The following P2RY14 variants were observed in gnomAD, a reference collection of about 807,000 sequenced individuals.
P2RY14 encodes purinergic receptor P2Y14.
A neutral mutation model predicts 0.9 loss-of-function variants in P2RY14; 2 were observed. That is an observed-to-expected ratio of 2.16 (90% CI 0.88 to 6.79). P2RY14 has a LOEUF of 6.79. P2RY14 is among the 30% of genes most tolerant of loss of function. The pLI is 0.05. For missense variants in P2RY14, 378 were observed against 400.1 expected, an observed-to-expected ratio of 0.94 and a Z score of 0.47; for synonymous variants, 158 against 147.2, an observed-to-expected ratio of 1.07 and a Z score of -0.53.
intron 1 of P2RY14, among the ~76,000 whole-genome samples, chr3:151,257,466 G>T (rs78586780): frequency 6.6e-6 from 1 of 152,204 alleles, no homozygotes; most frequent in African/African-American, 2.4e-5. Flanking sequence ...GTGTCATGGG[G>T]CACATTACTT....
chr3:151,232,941 T>C (rs1298132628), intron 1 of P2RY14, among the ~76,000 whole-genome samples: 1 of 152,194 alleles, frequency 6.6e-6, no homozygotes, highest in Non-Finnish European at 1.5e-5. Flanking sequence ...TAATATTGTT[T>C]AAAACCATCA....
At chr3:151,229,614 G>A (rs1475279441) in intron 1 of P2RY14, among the ~76,000 whole-genome samples, 3 of 151,852 alleles carry the variant, frequency 2.0e-5, no homozygotes, top group Non-Finnish European at 4.4e-5. Context: ...TAGTAGCTGG[G>A]ACTACAGGCG....
chr3:151,269,782 A>G (rs73023035), intron 1 of P2RY14: 10,744 of 419,872 alleles, frequency 0.026, 1,013 homozygotes, highest in African/African-American at 0.2. Flanking sequence ...TTTAGAGTCC[A>G]CTGAAGTCAA....
chr3:151,249,377 A>G (rs561446445), intron 1 of P2RY14, among the ~76,000 whole-genome samples: 14 of 152,286 alleles, frequency 9.2e-5, no homozygotes, highest in African/African-American at 3.4e-4. Flanking sequence ...TAGTTGGAAA[A>G]CCAAAAAATA....
intron 1 of P2RY14, among the ~76,000 whole-genome samples, chr3:151,231,559 T>C (rs535162798): frequency 6.6e-6 from 1 of 152,280 alleles, no homozygotes; most frequent in South Asian, 2.1e-4. Flanking sequence ...TATGAAACAT[T>C]TGATAAAGCA....
chr3:151,238,640 A>G (rs1037394775), intron 1 of P2RY14, among the ~76,000 whole-genome samples: 2 of 152,192 alleles, frequency 1.3e-5, no homozygotes, highest in African/African-American at 2.4e-5. Flanking sequence ...AAATCAAGGC[A>G]GTGCACTCAA....
At chr3:151,229,390 C>T (rs1731165955) in intron 1 of P2RY14, among the ~76,000 whole-genome samples, 1 of 149,410 alleles carries the variant, frequency 6.7e-6, no homozygotes. Flanking sequence ...TCACTGCAAC[C>T]TCGCCTCCCG....
At chr3:151,266,388 C>T (rs1426723502) in intron 1 of P2RY14, among the ~76,000 whole-genome samples, 1 of 152,202 alleles carries the variant, frequency 6.6e-6, no homozygotes, top group Non-Finnish European at 1.5e-5. Flanking sequence ...ATCACATTTA[C>T]AGTATCATCC....
rs563831959 is a variant in P2RY14 at position 151,242,357 on chromosome 3, C to T, written c.-132-22715G>A. Among the ~76,000 whole-genome samples the T allele has an allele frequency of 3.1e-4, 47 of 152,366 alleles. 1 individual carries two copies. Among genetic ancestry groups the T allele is most frequent in the African/African-American group, 1.1e-3 (45 of 41,576 alleles). On this transcript the variant is annotated intron_variant, in intron 1 of 2. Transcript: ENST00000309170. ...AACAAAAAGACAGCAGTAACCTCTG[C>T]AGACTTAAATGTCCCTGTCTGACAG...
intron 1 of P2RY14, among the ~76,000 whole-genome samples, chr3:151,259,346 T>C (rs1738440638): frequency 6.6e-6 from 1 of 152,208 alleles, no homozygotes; most frequent in Non-Finnish European, 1.5e-5. Flanking sequence ...TGATCTGAGG[T>C]ACAGAACCCC....
intron 2 of P2RY14, 32 bp from the exon 3 acceptor site, chr3:151,214,372 G>A (rs1032615779): frequency 7.2e-7 from 1 of 1,395,214 alleles, no homozygotes; most frequent in East Asian, 2.3e-5. Flanking sequence ...TCACTCATAG[G>A]GCACTTATGG....
intron 1 of P2RY14, among the ~76,000 whole-genome samples, chr3:151,229,363 A>T (rs1259965086): frequency 7.1e-6 from 1 of 141,096 alleles, no homozygotes; most frequent in Non-Finnish European, 1.5e-5. Flanking sequence ...GCTGGAGGGC[A>T]GTTTCGTGAT....
intron 2 of P2RY14, among the ~76,000 whole-genome samples, chr3:151,217,966 A>T (rs376520046): frequency 2.4e-4 from 37 of 152,282 alleles, no homozygotes; most frequent in South Asian, 1.2e-3. Flanking sequence ...AAAAGGCAGG[A>T]ATATGTGTTG....
intron 1 of P2RY14, among the ~76,000 whole-genome samples, chr3:151,222,844 G>A (rs566587603): frequency 5.6e-4 from 85 of 152,186 alleles, no homozygotes; most frequent in Non-Finnish European, 8.5e-4. Context: ...GTTGTAGTCG[G>A]GACTTTAGAC....
In P2RY14 at chr3:151,269,192, G is replaced by C. The variant is rs145081578; in HGVS notation, c.-133+9095C>G. 3.0e-3 allele frequency among the ~76,000 whole-genome samples: 462 copies of C among 152,282 alleles called. 3 individuals are homozygous for C. Among genetic ancestry groups the C allele is most frequent in the African/African-American group, 0.011 (442 of 41,542 alleles). On this transcript the variant is annotated intron_variant, in intron 1 of 2. Transcript: ENST00000309170. ...AAGGTGGGTGGATCACCTGAGGTCG[G>C]GAGTTCGAGACCAGCCTGACCAACA...
intron 1 of P2RY14, among the ~76,000 whole-genome samples, chr3:151,276,360 T>C (rs908574862): frequency 2.0e-5 from 3 of 152,244 alleles, no homozygotes; most frequent in Non-Finnish European, 4.4e-5. Context: ...CTTGTACTGA[T>C]ATAATTTTCA....
chr3:151,248,348 C>T (rs147231171), intron 1 of P2RY14, among the ~76,000 whole-genome samples: 2 of 152,226 alleles, frequency 1.3e-5, no homozygotes, highest in Non-Finnish European at 2.9e-5. Flanking sequence ...TTAGAGAAGA[C>T]ATCACAGCTG....
chr3:151,255,622 T>G (rs1337290362), intron 1 of P2RY14, among the ~76,000 whole-genome samples: 1 of 152,172 alleles, frequency 6.6e-6, no homozygotes, highest in African/African-American at 2.4e-5. Context: ...TAGAAAGTCT[T>G]GTCAAAACTG....
rs185373772 is a variant in P2RY14 at position 151,263,758 on chromosome 3, G to A, written c.-133+14529C>T. On this transcript the variant is annotated intron_variant, in intron 1 of 2. Coordinates refer to ENST00000309170, the MANE Select transcript of P2RY14 (RefSeq NM_014879.4). ...ACAGGGTTGGAATTCCTGGATTCCC[G>A]TACCACCCCCCCCACTTATCAGCTC... 1.7e-3 allele frequency among the ~76,000 whole-genome samples: 185 copies of A among 106,832 alleles called. 3 individuals carry two copies. The East Asian group carries it at 0.045, about 26-fold the overall frequency. The allele number at this position is 106,832 out of a possible 152,430, so 70.1% of individuals were successfully genotyped here.
Sources: allele counts gnomAD v4.1 joint callset (sites outside exome capture counted in the v4.1 genomes callset), GRCh38; gene constraint gnomAD v4.1.1; transcripts MANE v1.5; gene names NCBI Gene and HGNC (gene_info 2026-07-23, HGNC 2026-07-21).